The following FGF13 variants were observed in gnomAD, a reference collection of about 807,000 sequenced individuals.
FGF13 encodes the protein fibroblast growth factor 13.
FGF13 carries 2 observed loss-of-function variants against 19.5 expected under a neutral mutation model. The observed-to-expected ratio is 0.10, with a 90% CI of 0.04 to 0.32. The LOEUF (loss-of-function observed/expected upper bound fraction) is 0.32. Among genes scored for constraint, FGF13 ranks in the 10% least tolerant of loss-of-function variants. FGF13 has a pLI of 1.00. For missense variants in FGF13, 113 were observed against 192.7 expected, an observed-to-expected ratio of 0.59 and a Z score of 2.45; for synonymous variants, 72 against 76.9, an observed-to-expected ratio of 0.94 and a Z score of 0.33.
intron 1 of FGF13, among the ~76,000 whole-genome samples, chrX:139,056,592 AAGC>A (rs1339909506): frequency 8.9e-6 from 1 of 112,541 alleles, no homozygotes; most frequent in Non-Finnish European, 1.9e-5. Flanking sequence ...TTTGGTATGA[AAGC>A]AATAAACATC....
intron 1 of FGF13, among the ~76,000 whole-genome samples, chrX:138,869,849 C>T (rs1030743315): frequency 8.9e-6 from 1 of 111,750 alleles, no homozygotes; most frequent in Non-Finnish European, 1.9e-5. Flanking sequence ...CAGTAAATAG[C>T]GCTGGTGTTT....
chrX:138,673,078 C>T (rs962582490), intron 3 of FGF13, among the ~76,000 whole-genome samples: 2 of 110,731 alleles, frequency 1.8e-5, no homozygotes, highest in Non-Finnish European at 3.8e-5. Context: ...GGGTAAAAAC[C>T]TGATTGGAAT....
chrX:139,034,092 C>T (rs748535109), intron 1 of FGF13, among the ~76,000 whole-genome samples: 29 of 111,648 alleles, frequency 2.6e-4, no homozygotes, highest in African/African-American at 9.4e-4. Context: ...ACATGAAAAA[C>T]ATAAACCTTA....
chrX:138,823,335 G>C (rs370598985), intron 3 of FGF13, among the ~76,000 whole-genome samples: 1 of 111,655 alleles, frequency 9.0e-6, no homozygotes, highest in Non-Finnish European at 1.9e-5. Flanking sequence ...GAAGTTCACA[G>C]TTTGCAGCAG....
At chrX:139,138,594 C>G (rs1486384911) in intron 1 of FGF13, among the ~76,000 whole-genome samples, 1 of 111,096 alleles carries the variant, frequency 9.0e-6, no homozygotes, top group African/African-American at 3.3e-5. Flanking sequence ...AATAATACAC[C>G]CATATCTTAC....
At position 138,615,488 on chromosome X, in the gene FGF13, T is replaced by C. The variant is rs1017745591; in HGVS notation, c.*17362A>G. Reference sequence around the variant, plus strand: ...TCTCATAGCTTTCTTCATATGAAGATAAGGTATAGGGAAGAGTCATATCTA... The same window carrying C: ...TCTCATAGCTTTCTTCATATGAAGACAAGGTATAGGGAAGAGTCATATCTA... On this transcript the variant is annotated 3_prime_UTR_variant, in exon 5 of 5. Coordinates refer to ENST00000315930, the MANE Select transcript of FGF13 (RefSeq NM_004114.5). The C allele has an allele frequency of 9.0e-6, 1 of 111,129 alleles. No individual in the cohort carries two copies. Among genetic ancestry groups the C allele is most frequent in the East Asian group, 2.8e-4 (1 of 3,536 alleles). The allele number at this position is 111,129 out of a possible 1,213,427, so 9.2% of individuals were successfully genotyped here. A position where few individuals can be genotyped will look rare whatever the true frequency, so the allele number is the denominator to read the frequency against.
chrX:138,804,944 T>C (rs1443120226), intron 3 of FGF13, among the ~76,000 whole-genome samples: 2 of 112,162 alleles, frequency 1.8e-5, no homozygotes, highest in East Asian at 5.6e-4. Context: ...TTTAAATAAA[T>C]ATTGAAATAT....
chrX:139,073,324 C>A (rs2092382861), intron 1 of FGF13, among the ~76,000 whole-genome samples: 1 of 110,696 alleles, frequency 9.0e-6, no homozygotes. Flanking sequence ...TTAAGCTTCA[C>A]AACTAAGGAA....
chrX:138,890,224 C>T lies in FGF13; in HGVS notation c.-112-25574G>A, dbSNP rs185315143. Among the ~76,000 whole-genome samples the T allele has an allele frequency of 5.6e-3, 621 of 111,785 alleles. 1 individual carries two copies. The highest frequency in any genetic ancestry group is 8.7e-3 in the Non-Finnish European group (461 of 53,157). On this transcript the variant is annotated intron_variant, in intron 1 of 2. Transcript: ENST00000421460. ...GATTACAGGTGTGAGCCACCACGCC[C>T]GGCCTGAACTTTTTCTATGTAGATA... is the stretch of plus-strand genomic sequence containing the variant.
upstream of FGF13, chrX:139,204,032 G>T (rs2084442154): frequency 8.3e-7 from 1 of 1,205,299 alleles, no homozygotes; most frequent in African/African-American, 1.7e-5. Flanking sequence ...GGAAAGGAAA[G>T]CAGGCGGACT....
intron 1 of FGF13, chrX:138,739,153 T>C (rs1348405193): frequency 1.2e-5 from 7 of 564,272 alleles, no homozygotes; most frequent in African/African-American, 9.2e-5. Flanking sequence ...ATCCCTGGTA[T>C]AATTTTGTTA....
At chrX:138,964,480 T>C (rs1266067845) in intron 1 of FGF13, among the ~76,000 whole-genome samples, 2 of 111,893 alleles carry the variant, frequency 1.8e-5, no homozygotes, top group Non-Finnish European at 3.8e-5. Context: ...AGGGGCACAG[T>C]GGATATTTAT....
At chrX:139,132,390 C>T (rs1462570689) in intron 1 of FGF13, among the ~76,000 whole-genome samples, 4 of 112,226 alleles carry the variant, frequency 3.6e-5, no homozygotes, top group Non-Finnish European at 5.6e-5. Flanking sequence ...TTAGGATCTG[C>T]ACTTCTATCA....
intron 1 of FGF13, among the ~76,000 whole-genome samples, chrX:139,132,490 C>T (rs973257822): frequency 1.8e-5 from 2 of 111,952 alleles, no homozygotes; most frequent in Admixed American, 9.5e-5. Flanking sequence ...TTTCTTAGTA[C>T]TTTTGTCTTT....
rs1321889232 is a variant in FGF13 at position 138,979,644 on chromosome X, A to T, written c.-112-114994T>A. On this transcript the variant is annotated intron_variant, in intron 1 of 2. Transcript: ENST00000421460. ...ATGGAGCATTGTACCAGAGGGCAAGATCCTCTGGGGTACCAAACAACAAAG... is the reference window on the plus strand; with the variant it reads ...ATGGAGCATTGTACCAGAGGGCAAGTTCCTCTGGGGTACCAAACAACAAAG... Among the ~76,000 whole-genome samples, 7 of 110,638 alleles carry T rather than the reference A, an allele frequency of 6.3e-5. 1 individual carries two copies. Among genetic ancestry groups the T allele is most frequent in the African/African-American group, 2.0e-4 (6 of 30,395 alleles).
At chrX:138,647,219 GAAAAAAAAAA>G (rs10543925) in intron 3 of FGF13, among the ~76,000 whole-genome samples, 3,310 of 59,095 alleles carry the variant, frequency 0.056, 111 homozygotes, top group African/African-American at 0.18. Context: ...CATCTCTGGG[GAAAAAAAAAA>G]AAAAAAAAAA....
chrX:138,917,413 C>A, intron 1 of FGF13, among the ~76,000 whole-genome samples: 1 of 111,796 alleles, frequency 8.9e-6, no homozygotes, highest in East Asian at 2.8e-4. Flanking sequence ...GAAGGCAGCC[C>A]TCACCAGAAC....
intron 1 of FGF13, among the ~76,000 whole-genome samples, chrX:139,148,282 C>T (rs1388809470): frequency 9.0e-6 from 1 of 111,576 alleles, no homozygotes; most frequent in Non-Finnish European, 1.9e-5. Context: ...CCTCACTCCA[C>T]ACCCACATGG....
intron 1 of FGF13, among the ~76,000 whole-genome samples, chrX:138,917,670 A>G (rs914326210): frequency 3.6e-5 from 4 of 112,313 alleles, no homozygotes. Context: ...ACTAAAGATT[A>G]TCAAAGTGTG....
Sources: allele counts gnomAD v4.1 joint callset (sites outside exome capture counted in the v4.1 genomes callset), GRCh38; gene constraint gnomAD v4.1.1; transcripts MANE v1.5; gene names NCBI Gene and HGNC (gene_info 2026-07-23, HGNC 2026-07-21).